CCDC112: variants seen among roughly 807,000 people sequenced by gnomAD.
The protein encoded by CCDC112 is coiled-coil domain containing 112.
In CCDC112, 40 loss-of-function variants were observed where a neutral mutation model predicts 66.3. The ratio of observed to expected loss-of-function variants is 0.60; its 90% CI spans 0.47 to 0.79. CCDC112 has a LOEUF of 0.79. Among genes scored for constraint, CCDC112 ranks in the 30% least tolerant of loss-of-function variants. The pLI, the probability that CCDC112 is intolerant of heterozygous loss-of-function variation, is 0.00. For synonymous variants in CCDC112, 214 were observed against 197.2 expected, an observed-to-expected ratio of 1.09 and a Z score of -0.71; for missense variants, 659 against 603.8, an observed-to-expected ratio of 1.09 and a Z score of -0.96.
intron 1 of CCDC112, among the ~76,000 whole-genome samples, chr5:115,293,667 A>C (rs1182861394): frequency 6.6e-6 from 1 of 152,154 alleles, no homozygotes; most frequent in Non-Finnish European, 1.5e-5. Context: ...CTCTCTTATA[A>C]GGACCTTTGT....
chr5:115,275,371 G>T lies in CCDC112; in HGVS notation c.763C>A (p.His255Asn), dbSNP rs748964546. 71 of 1,613,974 alleles carry T rather than the reference G, an allele frequency of 4.4e-5. No homozygotes were observed. Among genetic ancestry groups the T allele is most frequent in the Non-Finnish European group, 6.0e-5 (71 of 1,179,996 alleles). ...TTTCTCACCTTTACAAAGTTCTGGT[G>T]ATCATAATCATCCCAGGCACCTTGT... ...GRQGAWDDYD[H>N]QNFVKVRNKH... Residue 255 changes from histidine to asparagine, a missense_variant, in exon 6 of 10, where the codon CAC becomes AAC. Physicochemically the swap from His to Asn is moderately conservative, Grantham distance 68. Transcript: ENST00000379611.
At chr5:115,270,520 C>T (rs576449979) in intron 7 of CCDC112, among the ~76,000 whole-genome samples, 4 of 152,192 alleles carry the variant, frequency 2.6e-5, no homozygotes, top group Admixed American at 6.5e-5. Flanking sequence ...GCAATAATCT[C>T]GATTCCTTTA....
chr5:115,289,914 C>T (rs1356917423), intron 1 of CCDC112, among the ~76,000 whole-genome samples: 1 of 152,196 alleles, frequency 6.6e-6, no homozygotes, highest in African/African-American at 2.4e-5. Context: ...AACTCCTGGC[C>T]TCAAGCGATC....
chr5:115,287,619 C>T (rs1455531186), intron 1 of CCDC112, among the ~76,000 whole-genome samples: 1 of 151,390 alleles, frequency 6.6e-6, no homozygotes, highest in Non-Finnish European at 1.5e-5. Context: ...AACCTGAGCC[C>T]GAGTAATAAG....
intron 1 of CCDC112, among the ~76,000 whole-genome samples, chr5:115,286,466 G>A (rs1375400752): frequency 6.6e-6 from 1 of 152,078 alleles, no homozygotes; most frequent in Non-Finnish European, 1.5e-5. Context: ...ATGGACAATT[G>A]GGGTGTTTCC....
chr5:115,283,719 C>A (rs1429175115), intron 2 of CCDC112, among the ~76,000 whole-genome samples: 1 of 152,084 alleles, frequency 6.6e-6, no homozygotes, highest in Non-Finnish European at 1.5e-5. Flanking sequence ...TCTAACAGTA[C>A]ACTTTTTCAT....
chr5:115,286,033 T>G (rs1000712016), intron 1 of CCDC112, among the ~76,000 whole-genome samples: 1 of 152,210 alleles, frequency 6.6e-6, no homozygotes, highest in Non-Finnish European at 1.5e-5. Context: ...CTAGGAAATA[T>G]ATTTTAAGTC....
chr5:115,284,815 C>T lies in CCDC112; in HGVS notation c.211G>A (p.Val71Ile). 6.2e-7 allele frequency: 1 copy of T among 1,609,492 alleles called. No homozygotes were observed. Among genetic ancestry groups the T allele is most frequent in the Non-Finnish European group, 8.5e-7 (1 of 1,176,136 alleles). ...TTTTTAAATTTTTCTGCTGTGCGTA[C>T]AAATTCTGCTTTCTTAGTCTGATTA... ...KVNQTKKAEF[V>I]RTAEKFKNQV... The change falls in exon 2 of 10, where the codon GTA becomes ATA. Residue 71 changes from valine (V) to isoleucine (I), a missense_variant. By Grantham distance (29) the Val-to-Ile change is conservative (BLOSUM62 3). Transcript: ENST00000379611.
At chr5:115,279,257 T>C (rs994523782) in intron 3 of CCDC112, among the ~76,000 whole-genome samples, 2 of 152,162 alleles carry the variant, frequency 1.3e-5, no homozygotes, top group Non-Finnish European at 2.9e-5. Context: ...CTGTTGATGC[T>C]TACTGAGTCC....
chr5:115,293,272 T>C (rs535924509), intron 1 of CCDC112, among the ~76,000 whole-genome samples: 27 of 152,188 alleles, frequency 1.8e-4, no homozygotes, highest in Non-Finnish European at 2.6e-4. Flanking sequence ...GTAGGTTAAC[T>C]ATACTCAGTA....
intron 7 of CCDC112, 22 bp from the exon 8 acceptor site, chr5:115,269,820 C>T: frequency 7.1e-7 from 1 of 1,403,898 alleles, no homozygotes; most frequent in Non-Finnish European, 9.6e-7. Context: ...AAACCCATAG[C>T]ATTAAGAAAG....
intron 2 of CCDC112, among the ~76,000 whole-genome samples, chr5:115,283,630 G>A (rs1198045986): frequency 6.6e-6 from 1 of 151,934 alleles, no homozygotes; most frequent in Non-Finnish European, 1.5e-5. Flanking sequence ...ATAAAAGTGG[G>A]GGAAAAGACA....
rs1213833500 is a variant in CCDC112 at position 115,271,556 on chromosome 5, T to C, written c.989A>G (p.Asp330Gly). 2.5e-6 allele frequency: 4 copies of C among 1,588,040 alleles called. No homozygotes were observed. Among genetic ancestry groups the C allele is most frequent in the Non-Finnish European group, 3.4e-6 (4 of 1,172,284 alleles). ...ATTATGAAAAAGCACAGGTGTGTTG[T>C]CTGCCTTTTCCTTTAACTTGAAAAT... ...EEIFKLKEKA[D>G]NTPVLFHNKQ... The change falls in exon 7 of 10, where the codon GAC becomes GGC. Residue 330 changes from aspartate (D) to glycine (G), a missense_variant. Coordinates refer to ENST00000379611, the MANE Select transcript of CCDC112 (RefSeq NM_001040440.3).
chr5:115,272,579 A>G (rs1317708101), intron 6 of CCDC112, among the ~76,000 whole-genome samples: 2 of 152,230 alleles, frequency 1.3e-5, no homozygotes, highest in African/African-American at 4.8e-5. Context: ...ATAAATAAAT[A>G]AATAAAACAG....
At chr5:115,292,492 T>C (rs1361693253) in intron 1 of CCDC112, among the ~76,000 whole-genome samples, 1 of 152,238 alleles carries the variant, frequency 6.6e-6, no homozygotes, top group East Asian at 1.9e-4. Context: ...CAATAGCCAG[T>C]ATTCCTCAGA....
At position 115,293,582 on chromosome 5, in the gene CCDC112, G is replaced by A. The variant is rs141625179; in HGVS notation, c.117+2845C>T. Among the ~76,000 whole-genome samples the A allele has an allele frequency of 2.2e-3, 340 of 152,078 alleles. 2 individuals are homozygous for A. Among genetic ancestry groups the A allele is most frequent in the African/African-American group, 7.3e-3 (301 of 41,500 alleles). ...AACCACCTTAATTCCTTGGCTAATGGCCCCTTCCTCACATCACTCCATCCT... is the reference window on the plus strand; with the variant it reads ...AACCACCTTAATTCCTTGGCTAATGACCCCTTCCTCACATCACTCCATCCT... On this transcript the variant is annotated intron_variant, in intron 1 of 9. Transcript: ENST00000379611.
At chr5:115,276,936 G>A (rs1200069859) in intron 4 of CCDC112, 29 bp downstream of exon 4, 1 of 1,407,998 alleles carries the variant, frequency 7.1e-7, no homozygotes, top group African/African-American at 1.4e-5. Flanking sequence ...TAACACATAA[G>A]AAAGATTATA....
intron 2 of CCDC112, among the ~76,000 whole-genome samples, chr5:115,283,748 T>G (rs267299): frequency 0.9 from 136,978 of 152,088 alleles, 61,912 homozygotes; most frequent in African/African-American, 0.98. Flanking sequence ...TTTCTAAATA[T>G]AGACCTGCCA....
At chr5:115,280,115 C>T (rs2127062266) in intron 2 of CCDC112, among the ~76,000 whole-genome samples, 1 of 152,282 alleles carries the variant, frequency 6.6e-6, no homozygotes, top group Middle Eastern at 3.4e-3. Flanking sequence ...CTGCTGATGA[C>T]TGCTTTCAAT....
Sources: gnomAD v4.1 joint callset for allele counts (sites outside exome capture counted in the v4.1 genomes callset) on GRCh38, gnomAD v4.1.1 for gene constraint, MANE v1.5 for transcripts, NCBI Gene and HGNC (gene_info 2026-07-23, HGNC 2026-07-21) for gene names.